HIP1R: variants seen among roughly 807,000 people sequenced by gnomAD.
HIP1R encodes the protein huntingtin interacting protein 1 related, also known as huntingtin-interacting protein 1-related protein.
HIP1R carries 135 observed loss-of-function variants against 144.2 expected under a neutral mutation model. The observed-to-expected ratio is 0.94, with a 90% CI of 0.81 to 1.08. The LOEUF is 1.08. Among genes scored for constraint, HIP1R ranks in the 50% least tolerant of loss-of-function variants. HIP1R has a pLI of 0.00. For missense variants in HIP1R, 1,462 were observed against 1,432.8 expected (o/e 1.02, Z -0.33); for synonymous variants, 698 against 612.8 (o/e 1.14, Z -2.05).
chr12:122,848,148 G>A (rs2033265668), intron 2 of HIP1R, 54 bp downstream of exon 2: 9 of 1,574,616 alleles, frequency 5.7e-6, no homozygotes, highest in African/African-American at 2.7e-5. Flanking sequence ...TGGGAGCAGC[G>A]TAGTGCTGCA....
rs775107868 is a variant in HIP1R, at chr12:122,859,552, G to A, written c.2406+16G>A. On this transcript the variant is annotated intron_variant, in intron 23 of 31. Transcript: ENST00000253083. ...GAGGATTGAGGTGAGCACGGGATCT[G>A]GGGACTCCCCTCATTCCTGTGGAGC... 6.3e-6 allele frequency: 10 copies of A among 1,588,926 alleles called. No individual in the cohort carries two copies. Among genetic ancestry groups the A allele is most frequent in the Middle Eastern group, 1.7e-4 (1 of 6,046 alleles).
intron 19 of HIP1R, 30 bp downstream of exon 19, chr12:122,858,279 C>T (rs761282630): frequency 4.7e-5 from 74 of 1,578,520 alleles, no homozygotes; most frequent in Admixed American, 1.4e-4. Flanking sequence ...TCAGCCGCTC[C>T]CCTGCCTCCT....
intron 3 of HIP1R, 25 bp downstream of exon 3, chr12:122,848,633 T>TC: frequency 6.2e-7 from 1 of 1,601,820 alleles, no homozygotes; most frequent in Non-Finnish European, 8.5e-7. Flanking sequence ...CTGCCTCTGC[T>TC]CCCCGGAGCT....
Position 122,858,253 on chromosome 12 carries a change from G to C in HIP1R, c.1963+4G>C. 7 of 1,585,872 alleles carry C rather than the reference G, an allele frequency of 4.4e-6. No homozygotes were observed. Among genetic ancestry groups the C allele is most frequent in the Non-Finnish European group, 6.0e-6 (7 of 1,160,882 alleles). On this transcript the variant is annotated splice_donor_region_variant and intron_variant, in intron 19 of 31. Coordinates refer to ENST00000253083, the MANE Select transcript of HIP1R (RefSeq NM_003959.3). ...CTGCGCTGTACCAGCTCCCCAGGTA[G>C]ACAGTGGGGCCACACTCAGCCGCTC...
At position 122,857,083 on chromosome 12, in the gene HIP1R, A is replaced by C; in HGVS notation, c.1683A>C (p.Gly561=). ...TLSAEKDALS[G]AVRQREADLL... Reference sequence around the variant, plus strand: ...GTGCGGAGAAGGATGCTCTGAGTGGAGCTGTGCGGCAGCGGGAGGCAGACC... The same window carrying C: ...GTGCGGAGAAGGATGCTCTGAGTGGCGCTGTGCGGCAGCGGGAGGCAGACC... Residue 561 remains glycine, a synonymous_variant, in exon 18 of 32, where the codon GGA becomes GGC. Transcript: ENST00000253083. 1 of 1,551,528 alleles carries C rather than the reference A, an allele frequency of 6.4e-7. No homozygotes were observed. Among genetic ancestry groups the C allele is most frequent in the Middle Eastern group, 1.8e-4 (1 of 5,566 alleles).
chr12:122,861,004 C>G lies in HIP1R; in HGVS notation c.2855C>G (p.Ser952Cys), dbSNP rs780179924. The G allele has an allele frequency of 1.2e-6, 2 of 1,613,710 alleles. No individual in the cohort carries two copies. Among genetic ancestry groups the G allele is most frequent in the Non-Finnish European group, 8.5e-7 (1 of 1,180,014 alleles). ...VNERAANVVA[S>C]TKSGQEQIED... ...GAGAGGGCTGCCAATGTGGTGGCCT[C>G]CACCAAGTCAGGCCAGGAGCAGATT... The change falls in exon 29 of 32, where the codon TCC (serine) becomes TGC (cysteine). Residue 952 changes from serine (S) to cysteine (C), a missense_variant. Ser to Cys is a moderately radical substitution (Grantham distance 112). Around this residue, in one of 2 missense-constraint regions of HIP1R, gnomAD observed 1,112 missense variants for 1,011.7 expected, o/e 1.10. Transcript: ENST00000253083.
Position 122,854,920 on chromosome 12 carries a change from C to T in HIP1R, c.734C>T (p.Thr245Ile), listed in dbSNP as rs768224131. Residue 245 changes from threonine (T) to isoleucine (I), a missense_variant, in exon 9 of 32, where the codon ACC (threonine) becomes ATC (isoleucine). Thr to Ile is a moderately conservative substitution (Grantham distance 89). Transcript: ENST00000253083. ...CACCCTCCAGGTCTCCCTGCGGACA[C>T]CCTGCAAGGCCACAGGGACCGGTTC... The part of the protein sequence containing the change: ...FKLHSCLPAD[T>I]LQGHRDRFHE... 1 of 1,612,874 alleles carries T rather than the reference C, an allele frequency of 6.2e-7. No individual in the cohort carries two copies. The highest frequency in any genetic ancestry group is 8.5e-7 in the Non-Finnish European group (1 of 1,179,636).
At chr12:122,846,705 A>G (rs957841952) in intron 1 of HIP1R, among the ~76,000 whole-genome samples, 11 of 152,194 alleles carry the variant, frequency 7.2e-5, no homozygotes, top group African/African-American at 2.7e-4. Context: ...GGGAGGGTCC[A>G]GTACAATGGG....
At chr12:122,848,742 G>A in intron 3 of HIP1R, 54 bp from the exon 4 acceptor site, 1 of 1,606,698 alleles carries the variant, frequency 6.2e-7, no homozygotes, top group Non-Finnish European at 8.5e-7. Flanking sequence ...GTGTCTCAGG[G>A]CCCTGCCACA....
Position 122,855,292 on chromosome 12 carries a change from G to A in HIP1R, c.880G>A (p.Ala294Thr). Reference protein sequence around the residue: ...EGPPNFLRASALAEHIKPVVV... With the variant: ...EGPPNFLRASTLAEHIKPVVV... The stretch of plus-strand genomic sequence containing the variant: ...ACCCCCTAACTTCCTGCGGGCCTCA[G>A]CCCTGGCTGAGCACATCAAGCCGGT... The change falls in exon 11 of 32, where the codon GCC becomes ACC. Residue 294 changes from alanine (A) to threonine (T), a missense_variant. This residue lies in a region of HIP1R where 350 missense variants were observed against 421.1 expected (regional missense o/e 0.83). Coordinates refer to ENST00000253083, the MANE Select transcript of HIP1R (RefSeq NM_003959.3). 2 of 1,612,776 alleles carry A rather than the reference G, an allele frequency of 1.2e-6. No homozygotes were observed. The highest frequency in any genetic ancestry group is 1.7e-6 in the Non-Finnish European group (2 of 1,179,910).
Position 122,858,359 on chromosome 12 carries a change from G to A in HIP1R, c.1974G>A (p.Val658=). ...TCCTCGTGCTTGCAGACTACCTGGT[G>A]AGCAGGGCCCAGGAGGCCTTGGATG... ...LRCTSSPDYL[V]SRAQEALDAV... The change falls in exon 20 of 32, where the codon GTG becomes GTA. Residue 658 remains valine, a synonymous_variant. Transcript: ENST00000253083. 6.2e-7 allele frequency: 1 copy of A among 1,609,882 alleles called. No individual in the cohort carries two copies. Among genetic ancestry groups the A allele is most frequent in the African/African-American group, 1.3e-5 (1 of 74,980 alleles).
chr12:122,856,266 T>C lies in HIP1R; in HGVS notation c.1323T>C (p.Ser441=). ...GLREEAERKA[S]ATEARYNKLK... ...TCCTCTCGCCCCCAGGGAAGGCCAG[T>C]GCCACGGAGGCGCGCTACAACAAGC... is the stretch of plus-strand genomic sequence containing the variant. The change falls in exon 15 of 32, where the codon AGT becomes AGC. Residue 441 remains serine (S), a synonymous_variant. Coordinates refer to ENST00000253083, the MANE Select transcript of HIP1R (RefSeq NM_003959.3). The C allele has an allele frequency of 6.2e-7, 1 of 1,613,702 alleles. No individual in the cohort carries two copies.
In HIP1R at chr12:122,860,677, A is replaced by G; in HGVS notation, c.2661-2A>G. 1 of 1,612,904 alleles carries G rather than the reference A, an allele frequency of 6.2e-7. No individual in the cohort carries two copies. Among genetic ancestry groups the G allele is most frequent in the Non-Finnish European group, 8.5e-7 (1 of 1,179,622 alleles). On this transcript the variant is annotated splice_acceptor_variant, in intron 27 of 31. Transcript: ENST00000253083. LOFTEE classifies it high-confidence loss of function. ...TGGCCCTGACTGGCCCTTGACCCGC[A>G]GGGAGGCAGCTGACAAGGTGGTGCT...
chr12:122,849,094 G>T (rs776930043), intron 4 of HIP1R, among the ~76,000 whole-genome samples: 28 of 152,220 alleles, frequency 1.8e-4, no homozygotes, highest in African/African-American at 6.5e-4. Flanking sequence ...TAGTCCTCAC[G>T]AGTTGGGAAA....
At chr12:122,835,447 C>G (rs1316566463), upstream of HIP1R, 16 of 1,147,574 alleles carry the variant, frequency 1.4e-5, no homozygotes, top group Non-Finnish European at 1.7e-5. Flanking sequence ...CGGGCGGGCC[C>G]GGGCGCGGCG....
chr12:122,860,299 C>T, intron 26 of HIP1R, 89 bp downstream of exon 26: 9 of 1,539,036 alleles, frequency 5.8e-6, no homozygotes, highest in Non-Finnish European at 8.0e-6. Flanking sequence ...CCACCCCCTA[C>T]CACAGGGAGG....
intron 1 of HIP1R, among the ~76,000 whole-genome samples, chr12:122,837,902 A>C (rs899783038): frequency 6.6e-6 from 1 of 152,224 alleles, no homozygotes; most frequent in African/African-American, 2.4e-5. Context: ...AAGGACCTGG[A>C]GAGCTGAGGT....
At position 122,858,847 on chromosome 12, in the gene HIP1R, C is replaced by T. The variant is rs769825230; in HGVS notation, c.2060C>T (p.Ala687Val). Residue 687 changes from alanine to valine, a missense_variant, in exon 21 of 32, where the codon GCC becomes GTC. This residue lies in a region of HIP1R where 1,112 missense variants were observed against 1,011.7 expected (regional missense o/e 1.10). Transcript: ENST00000253083. ...QYLTSLADASALVAALTRFSH... is the reference protein window; with the variant it reads ...QYLTSLADASVLVAALTRFSH... ...CCACCCACCCGCACAGACGCCTCCG[C>T]CCTGGTGGCAGCTCTGACCCGCTTC... The T allele has an allele frequency of 1.2e-6, 2 of 1,612,960 alleles. No homozygotes were observed. The highest frequency in any genetic ancestry group is 3.3e-5 in the Admixed American group (2 of 60,024).
chr12:122,836,085 C>T lies in HIP1R; in HGVS notation c.93+442C>T, dbSNP rs2032886813. On this transcript the variant is annotated intron_variant, in intron 1 of 31. Transcript: ENST00000253083. This position sits in a 1 kb window ranked among gnomAD's most constrained non-coding sequence, Gnocchi z 4.1. ...GGCGCGGCCCGACTGGGGTCCCCGA[C>T]CTTCCGTGCCGCTCCTTGCCGGCTC... is the stretch of plus-strand genomic sequence containing the variant. 6.6e-6 allele frequency among the ~76,000 whole-genome samples: 1 copy of T among 152,124 alleles called. No homozygotes were observed. Among genetic ancestry groups the T allele is most frequent in the Non-Finnish European group, 1.5e-5 (1 of 67,992 alleles).
Sources: allele counts gnomAD v4.1 joint callset (sites outside exome capture counted in the v4.1 genomes callset), GRCh38; gene constraint gnomAD v4.1.1; regional missense constraint gnomAD v4.1.1; non-coding constraint Gnocchi (gnomAD v3.1); transcripts MANE v1.5; gene names NCBI Gene and HGNC (gene_info 2026-07-23, HGNC 2026-07-21).